The following AKT1 variants were observed in gnomAD, a reference collection of about 807,000 sequenced individuals.
The protein encoded by AKT1 is RAC-alpha serine/threonine-protein kinase.
Under a neutral mutation model 63.1 loss-of-function variants are expected in AKT1, and 21 were observed. The ratio of observed to expected loss-of-function variants is 0.33; its 90% CI spans 0.24 to 0.48. The LOEUF is 0.48. Ranked by LOEUF, AKT1 falls within the 20% of genes least tolerant of loss-of-function variation. The pLI is 0.99. For missense variants in AKT1, 382 were observed against 666.0 expected (o/e 0.57, Z 4.69); for synonymous variants, 257 against 253.1 (o/e 1.02, Z -0.15).
At chr14:104,789,500 G>A (rs1893515909) in intron 3 of AKT1, among the ~76,000 whole-genome samples, 2 of 152,234 alleles carry the variant, frequency 1.3e-5, no homozygotes, top group Non-Finnish European at 2.9e-5. Flanking sequence ...AGCCTGGCAC[G>A]GAGCTATCAA....
At chr14:104,792,753 G>T in intron 2 of AKT1, 31 bp from the exon 3 acceptor site, 1 of 1,367,770 alleles carries the variant, frequency 7.3e-7, no homozygotes, top group Non-Finnish European at 1.0e-6. Context: ...TGAATGTGAG[G>T]CCACGCCTGG....
At chr14:104,787,967 C>G (rs1404672486) in intron 3 of AKT1, among the ~76,000 whole-genome samples, 1 of 152,226 alleles carries the variant, frequency 6.6e-6, no homozygotes, top group Non-Finnish European at 1.5e-5. Flanking sequence ...GCCTCCACCA[C>G]AGCCATGCCA....
In AKT1 at chr14:104,776,663, C is replaced by A; in HGVS notation, c.283G>T (p.Glu95Ter). ...ERTFHVETPE[E>*]REEWTTAIQT... ...TGGCCGCCACAGCCCACGTACCGCT[C>A]CTCAGGAGTCTCCACATGGAAGGTG... is the stretch of plus-strand genomic sequence containing the variant. Residue 95 changes from glutamate (E) to a stop codon, truncating the protein, a stop_gained, in exon 5 of 15, where the codon GAG becomes TAG. Coordinates refer to ENST00000649815, the MANE Select transcript of AKT1 (RefSeq NM_001382430.1). LOFTEE classifies it high-confidence loss of function. 1 of 1,613,000 alleles carries A rather than the reference C, an allele frequency of 6.2e-7. No homozygotes were observed. The highest frequency in any genetic ancestry group is 8.5e-7 in the Non-Finnish European group (1 of 1,179,624).
intron 12 of AKT1, 23 bp from the exon 13 acceptor site, chr14:104,772,475 C>T (rs1257324334): frequency 1.8e-5 from 29 of 1,612,294 alleles, no homozygotes; most frequent in East Asian, 4.5e-5. Flanking sequence ...AACAAGGCCA[C>T]AGTGTCGGTA....
chr14:104,781,960 G>C (rs865806953), intron 3 of AKT1, among the ~76,000 whole-genome samples: 1 of 152,160 alleles, frequency 6.6e-6, no homozygotes, highest in African/African-American at 2.4e-5. Context: ...GTGGGCTGCC[G>C]AGCAGGCGTG....
chr14:104,769,462 G>T lies in AKT1; in HGVS notation c.*879C>A. The T allele has an allele frequency of 2.2e-6, 1 of 448,368 alleles. No individual in the cohort carries two copies. The highest frequency in any genetic ancestry group is 3.6e-5 in the Admixed American group (1 of 27,554). The allele number at this position is 448,368 out of a possible 1,614,324, so 27.8% of individuals were successfully genotyped here. ...AAAACGCCGTGGTGCAGCGGCAGCG[G>T]CAGCGTCTGGCCAGGAGGCGTGGAG... On this transcript the variant is annotated 3_prime_UTR_variant, in exon 15 of 15. Coordinates refer to ENST00000649815, the MANE Select transcript of AKT1 (RefSeq NM_001382430.1).
intron 3 of AKT1, among the ~76,000 whole-genome samples, chr14:104,784,500 G>T (rs1893234273): frequency 6.6e-6 from 1 of 152,160 alleles, no homozygotes; most frequent in African/African-American, 2.4e-5. Flanking sequence ...GATGTCCCGG[G>T]TGGCCCTCCG....
chr14:104,778,394 T>G (rs1280885834), intron 4 of AKT1: 1 of 152,382 alleles, frequency 6.6e-6, no homozygotes, highest in Non-Finnish European at 1.5e-5. Context: ...GACAGGGGTG[T>G]CTGCCTTCCT....
chr14:104,787,147 C>G (rs888576733), intron 3 of AKT1, among the ~76,000 whole-genome samples: 1 of 152,182 alleles, frequency 6.6e-6, no homozygotes, highest in Non-Finnish European at 1.5e-5. Flanking sequence ...GAACTCCCAA[C>G]CCCCTCAATT....
intron 3 of AKT1, among the ~76,000 whole-genome samples, chr14:104,784,048 C>T (rs773217779): frequency 2.3e-4 from 35 of 152,072 alleles, no homozygotes; most frequent in Non-Finnish European, 7.4e-5. Context: ...GCAGCAGCTC[C>T]GGTCCCACCC....
chr14:104,776,109 A>G, intron 5 of AKT1: 1 of 271,024 alleles, frequency 3.7e-6, no homozygotes, highest in South Asian at 4.8e-5. Flanking sequence ...CCGCCTCCCA[A>G]GCAGGACTCC....
In AKT1 at chr14:104,772,951, G is replaced by T. The variant is rs762705090; in HGVS notation, c.1099C>A (p.Arg367Ser). 25 of 1,614,068 alleles carry T rather than the reference G, an allele frequency of 1.5e-5. 1 individual carries two copies. In the South Asian group the frequency reaches 2.7e-4, roughly 18 times the overall value. ...LFELILMEEI[R>S]FPRTLGPEAK... ...TCGGGACCAAGCGTGCGCGGGAAGC[G>T]GATCTCCTCCATGAGGATGAGCTCA... Residue 367 changes from arginine to serine, a missense_variant, in exon 12 of 15, where the codon CGC becomes AGC. By Grantham distance (110) the Arg-to-Ser change is moderately radical. Transcript: ENST00000649815.
At chr14:104,770,994 C>T in intron 13 of AKT1, 147 bp from the exon 14 acceptor site, 1 of 670,176 alleles carries the variant, frequency 1.5e-6, no homozygotes, top group African/African-American at 1.8e-5. Flanking sequence ...CCACCAGCCC[C>T]CCACAGAGGC....
chr14:104,793,220 G>C lies in AKT1; in HGVS notation c.-173C>G, dbSNP rs967530400. The stretch of plus-strand genomic sequence containing the variant: ...GGCCTTCCCTAAGCCCCTGGTGACA[G>C]ATGGCCCCGTTTGCTCTCCCTGTCC... On this transcript the variant is annotated 5_prime_UTR_variant, in exon 2 of 15. It adds an upstream start codon to the 5' untranslated region. Coordinates refer to ENST00000649815, the MANE Select transcript of AKT1 (RefSeq NM_001382430.1). 14 of 184,818 alleles carry C rather than the reference G, an allele frequency of 7.6e-5. No homozygotes were observed. Among genetic ancestry groups the C allele is most frequent in the Non-Finnish European group, 1.5e-4 (13 of 86,690 alleles). 11.4% of individuals were successfully genotyped at this position (184,818 alleles called of 1,614,324 possible). A position where few individuals can be genotyped will look rare whatever the true frequency, so the allele number is the denominator to read the frequency against.
chr14:104,781,750 T>A (rs1893060349), intron 3 of AKT1, among the ~76,000 whole-genome samples: 1 of 152,070 alleles, frequency 6.6e-6, no homozygotes, highest in African/African-American at 2.4e-5. Flanking sequence ...AGGGCCTGAG[T>A]GTGGGAAGAG....
Position 104,776,736 on chromosome 14 carries a change from G to C in AKT1, c.210C>G (p.Pro70=). The change falls in exon 5 of 15, where the codon CCC becomes CCG. Residue 70 remains proline, a synonymous_variant. Transcript: ENST00000649815. ...CQLMKTERPR[P]NTFIIRCLQW... is the part of the protein sequence containing the mutation. The stretch of plus-strand genomic sequence containing the variant: ...GCAGGCAGCGGATGATGAAGGTGTT[G>C]GGCCGGGGCCGCTCCGTCTTCATCA... The C allele has an allele frequency of 6.2e-7, 1 of 1,613,384 alleles. No individual in the cohort carries two copies. Among genetic ancestry groups the C allele is most frequent in the Non-Finnish European group, 8.5e-7 (1 of 1,179,860 alleles).
Position 104,790,285 on chromosome 14 carries a change from A to T in AKT1, c.46+2313T>A, listed in dbSNP as rs61758555. The stretch of plus-strand genomic sequence containing the variant: ...ACCTGCAGGAGCAAGGCTGGGGGGG[A>T]GTGGAACAGGGCGTCTGCAAGGGGC... On this transcript the variant is annotated intron_variant, in intron 3 of 14. Transcript: ENST00000649815. Among the ~76,000 whole-genome samples the T allele has an allele frequency of 1.2e-3, 178 of 151,746 alleles. 2 individuals are homozygous for T. The highest frequency in any genetic ancestry group is 3.2e-3 in the Admixed American group (49 of 15,244).
chr14:104,780,309 G>A (rs1892960344), intron 3 of AKT1, 93 bp from the exon 4 acceptor site: 4 of 1,521,994 alleles, frequency 2.6e-6, no homozygotes, highest in East Asian at 2.4e-5. Context: ...CAGGACAGAT[G>A]TGCCTGGGAT....
chr14:104,784,397 C>T (rs1398976104), intron 3 of AKT1, among the ~76,000 whole-genome samples: 3 of 152,146 alleles, frequency 2.0e-5, no homozygotes, highest in Non-Finnish European at 2.9e-5. Flanking sequence ...ACTCCTGTCC[C>T]TGCCCGGGGG....
Sources: gnomAD v4.1 joint callset for allele counts (sites outside exome capture counted in the v4.1 genomes callset) on GRCh38, gnomAD v4.1.1 for gene constraint, MANE v1.5 for transcripts, NCBI Gene and HGNC (gene_info 2026-07-23, HGNC 2026-07-21) for gene names.